RNF213: variants seen among roughly 807,000 people sequenced by gnomAD.
RNF213 encodes the protein ring finger protein 213.
RNF213 carries 341 observed loss-of-function variants against 514.4 expected under a neutral mutation model. The observed-to-expected ratio is 0.66, with a 90% CI of 0.61 to 0.73. The LOEUF is 0.73. RNF213 is among the 30% of genes least tolerant of loss of function. RNF213 has a pLI of 0.00. For synonymous variants in RNF213, 2,655 were observed against 2,658.2 expected, an observed-to-expected ratio of 1.00 and a Z score of 0.04; for missense variants, 5,767 against 6,615.6, an observed-to-expected ratio of 0.87 and a Z score of 4.45.
At chr17:80,341,758 G>A (rs1351210069) in intron 26 of RNF213, 2 of 152,124 alleles carry the variant, frequency 1.3e-5, no homozygotes, top group Non-Finnish European at 2.9e-5. Context: ...GAGAAAGAAA[G>A]AAAGAACAAA....
chr17:80,274,117 G>T (rs1000350924), intron 3 of RNF213, among the ~76,000 whole-genome samples: 1 of 152,096 alleles, frequency 6.6e-6, no homozygotes, highest in Non-Finnish European at 1.5e-5. Context: ...CGTGTCTTGC[G>T]CTTCTGTAGG....
At chr17:80,300,792 T>C (rs921844559) in intron 11 of RNF213, among the ~76,000 whole-genome samples, 2 of 152,052 alleles carry the variant, frequency 1.3e-5, no homozygotes, top group African/African-American at 4.8e-5. Context: ...CCTCAAGTGA[T>C]CCGCCCACCT....
chr17:80,363,554 G>A (rs1685889770), intron 40 of RNF213, 55 bp from the exon 41 acceptor site: 1 of 1,594,118 alleles, frequency 6.3e-7, no homozygotes. Flanking sequence ...CGGGGCCTCT[G>A]GTGGGCCGGT....
intron 63 of RNF213, 92 bp downstream of exon 63, chr17:80,386,983 C>T: frequency 8.1e-7 from 1 of 1,239,930 alleles, no homozygotes. Flanking sequence ...GAAGCAGCAC[C>T]TCACCCTGCA....
rs550643295 is a variant in RNF213 at position 80,317,550 on chromosome 17, C to T, written c.2901+273C>T. Among the ~76,000 whole-genome samples, 1 of 152,248 alleles carries T rather than the reference C, an allele frequency of 6.6e-6. No individual in the cohort carries two copies. The highest frequency in any genetic ancestry group is 1.9e-4 in the East Asian group (1 of 5,170). On this transcript the variant is annotated intron_variant, in intron 16 of 67. Coordinates refer to ENST00000582970, the MANE Select transcript of RNF213 (RefSeq NM_001256071.3). This position sits in a 1 kb window ranked among gnomAD's most constrained non-coding sequence, Gnocchi z 4.1. ...TTTCCTGACCCCTTCGTTGGACTTGCGACAGGGATGCTGTGTTTACTTGGC... is the reference window on the plus strand; with the variant it reads ...TTTCCTGACCCCTTCGTTGGACTTGTGACAGGGATGCTGTGTTTACTTGGC...
intron 26 of RNF213, chr17:80,341,507 C>T (rs572484090): frequency 6.6e-6 from 1 of 152,274 alleles, no homozygotes; most frequent in African/African-American, 2.4e-5. Context: ...GCTAGTCACT[C>T]AACACATAAT....
Position 80,334,818 on chromosome 17 carries a change from G to C in RNF213, c.4309+548G>C, listed in dbSNP as rs1313192224. 7.2e-5 allele frequency among the ~76,000 whole-genome samples: 11 copies of C among 151,930 alleles called. No individual in the cohort carries two copies. The East Asian group carries it at 2.1e-3, about 29-fold the overall frequency. ...ATTTTTTGTGTTTTTAGTAGAGACG[G>C]GGTTTCACTGTGTTAGCCAGGATGG... On this transcript the variant is annotated intron_variant, in intron 22 of 67. Coordinates refer to ENST00000582970, the MANE Select transcript of RNF213 (RefSeq NM_001256071.3).
chr17:80,386,520 C>T, intron 62 of RNF213, 90 bp downstream of exon 62: 1 of 1,481,030 alleles, frequency 6.8e-7, no homozygotes, highest in South Asian at 1.1e-5. Context: ...TCAGCCCCTT[C>T]CCTAACAGAC....
chr17:80,384,284 G>A (rs920657867), intron 59 of RNF213, among the ~76,000 whole-genome samples: 8 of 152,140 alleles, frequency 5.3e-5, no homozygotes, highest in African/African-American at 1.7e-4. Flanking sequence ...TGGAGCATGG[G>A]CAGATCAAAC....
At chr17:80,308,629 C>A (rs545544133) in intron 13 of RNF213, among the ~76,000 whole-genome samples, 1 of 152,218 alleles carries the variant, frequency 6.6e-6, no homozygotes. Flanking sequence ...CAATTCCACA[C>A]GGGCTGCACG....
chr17:80,342,636 ATATT>A (rs1351892182), intron 26 of RNF213, among the ~76,000 whole-genome samples: 5 of 146,958 alleles, frequency 3.4e-5, no homozygotes, highest in East Asian at 3.9e-4. Context: ...ATTTCTATAT[ATATT>A]CTATATATTT....
chr17:80,262,307 A>G (rs1327212837), intron 1 of RNF213, among the ~76,000 whole-genome samples: 1 of 152,152 alleles, frequency 6.6e-6, no homozygotes, highest in Non-Finnish European at 1.5e-5. Context: ...AGACCTGGAG[A>G]AAAGGGATGC....
At position 80,351,773 on chromosome 17, in the gene RNF213, A is replaced by G; in HGVS notation, c.10273A>G (p.Arg3425Gly). Residue 3425 changes from arginine (R) to glycine (G), a missense_variant, in exon 32 of 68, where the codon AGA (arginine) becomes GGA (glycine). Arg to Gly is a moderately radical substitution (Grantham distance 125). Coordinates refer to ENST00000582970, the MANE Select transcript of RNF213 (RefSeq NM_001256071.3). ...CATCACAAAACTGTCCCGGGTGGGA[A>G]GAGGAACAGCCTATGTGGGCTTCCA... ...YFITKLSRVG[R>G]GTAYVGFHGG... is the part of the protein sequence containing the mutation. 6.2e-7 allele frequency: 1 copy of G among 1,608,568 alleles called. No homozygotes were observed. The highest frequency in any genetic ancestry group is 1.1e-5 in the South Asian group (1 of 90,920).
chr17:80,295,531 G>A, intron 9 of RNF213, 26 bp from the exon 10 acceptor site: 1 of 1,613,796 alleles, frequency 6.2e-7, no homozygotes, highest in Non-Finnish European at 8.5e-7. Flanking sequence ...CATGGTTCAT[G>A]CATCTTCCTC....
intron 2 of RNF213, among the ~76,000 whole-genome samples, chr17:80,267,662 C>T (rs962877148): frequency 1.3e-5 from 2 of 152,130 alleles, no homozygotes; most frequent in Non-Finnish European, 2.9e-5. Context: ...GATCTTGAAG[C>T]TAGCAGAGAC....
At chr17:80,348,326 C>T (rs766387293) in intron 29 of RNF213, 40 bp downstream of exon 29, 12 of 1,602,998 alleles carry the variant, frequency 7.5e-6, no homozygotes, top group East Asian at 4.5e-5. Context: ...CCCCTGTCAC[C>T]CAAGAGTCCT....
At chr17:80,269,776 A>C (rs1165745959) in intron 2 of RNF213, among the ~76,000 whole-genome samples, 1 of 152,182 alleles carries the variant, frequency 6.6e-6, no homozygotes, top group Non-Finnish European at 1.5e-5. Context: ...CCATCCATCC[A>C]TGTATCTACC....
intron 32 of RNF213, chr17:80,352,702 G>T: frequency 1.5e-6 from 1 of 655,382 alleles, no homozygotes; most frequent in Non-Finnish European, 2.8e-6. Flanking sequence ...GCTGGCCATT[G>T]CAGGTCTTAC....
At position 80,371,925 on chromosome 17, in the gene RNF213, G is replaced by A. The variant is rs1284763299; in HGVS notation, c.12477G>A (p.Lys4159=). 2 of 1,597,628 alleles carry A rather than the reference G, an allele frequency of 1.3e-6. No homozygotes were observed. The highest frequency in any genetic ancestry group is 1.7e-6 in the Non-Finnish European group (2 of 1,165,138). The change falls in exon 47 of 68, where the codon AAG becomes AAA. Residue 4159 remains lysine (K), a synonymous_variant. Coordinates refer to ENST00000582970, the MANE Select transcript of RNF213 (RefSeq NM_001256071.3). ...AGGAATATTTGACCCTGTTAAAAAA[G>A]AAAGCATTCATAACTGAAGATAAAA... The part of the protein sequence containing the change: ...YIQEYLTLLK[K]KAFITEDKTE...
Sources: gnomAD v4.1 joint callset for allele counts (sites outside exome capture counted in the v4.1 genomes callset) on GRCh38, gnomAD v4.1.1 for gene constraint, Gnocchi (gnomAD v3.1) non-coding constraint, MANE v1.5 for transcripts, NCBI Gene and HGNC (gene_info 2026-07-23, HGNC 2026-07-21) for gene names.